The following RORA variants were observed in gnomAD, a reference collection of about 807,000 sequenced individuals.
RORA encodes the protein nuclear receptor ROR-alpha.
In RORA, 7 loss-of-function variants were observed where a neutral mutation model predicts 69.5. That is an observed-to-expected ratio of 0.10 (90% CI 0.06 to 0.19). The LOEUF is 0.19. Ranked by LOEUF, RORA falls within the 10% of genes least tolerant of loss-of-function variation. RORA has a pLI of 1.00. For synonymous variants in RORA, 261 were observed against 240.8 expected, an observed-to-expected ratio of 1.08 and a Z score of -0.78; for missense variants, 457 against 663.0, an observed-to-expected ratio of 0.69 and a Z score of 3.41.
chr15:60,646,063 T>C (rs1036959782), intron 2 of RORA, among the ~76,000 whole-genome samples: 1 of 152,138 alleles, frequency 6.6e-6, no homozygotes, highest in Admixed American at 6.5e-5. Context: ...TGACCTTCAT[T>C]TGGCATTGGA....
intron 1 of RORA, among the ~76,000 whole-genome samples, chr15:61,087,757 T>C (rs565737055): frequency 9.2e-5 from 14 of 152,374 alleles, no homozygotes; most frequent in Admixed American, 7.8e-4. Context: ...ACTGCCCATG[T>C]GCAGATGTTT....
chr15:60,832,957 T>G (rs908686146), intron 1 of RORA, among the ~76,000 whole-genome samples: 1 of 151,948 alleles, frequency 6.6e-6, no homozygotes, highest in Non-Finnish European at 1.5e-5. Context: ...CAGGCTGGAG[T>G]GCAGTGGCGT....
At chr15:60,847,055 A>C (rs1268024903) in intron 1 of RORA, among the ~76,000 whole-genome samples, 1 of 152,172 alleles carries the variant, frequency 6.6e-6, no homozygotes, top group Non-Finnish European at 1.5e-5. Context: ...TATAGCTTAA[A>C]AGTGCCTGGA....
chr15:60,890,974 C>T (rs955854736), intron 1 of RORA, among the ~76,000 whole-genome samples: 4 of 152,178 alleles, frequency 2.6e-5, no homozygotes, highest in African/African-American at 9.7e-5. Context: ...CTGTTCATGT[C>T]CAAATCACAA....
chr15:60,802,914 C>G (rs143746632), intron 1 of RORA, among the ~76,000 whole-genome samples: 2 of 151,858 alleles, frequency 1.3e-5, no homozygotes, highest in African/African-American at 2.4e-5. Context: ...GAAGGAAAAC[C>G]CTTACATGTC....
chr15:61,225,086 G>A (rs1472515340), intron 1 of RORA, among the ~76,000 whole-genome samples: 2 of 151,992 alleles, frequency 1.3e-5, no homozygotes, highest in Non-Finnish European at 2.9e-5. Flanking sequence ...AGAAATAAGG[G>A]GGAAGCAACA....
intron 1 of RORA, among the ~76,000 whole-genome samples, chr15:60,789,447 C>G (rs1265910024): frequency 2.0e-5 from 3 of 152,254 alleles, no homozygotes; most frequent in Non-Finnish European, 4.4e-5. Flanking sequence ...ACCACCTCTT[C>G]CAGGAAGACT....
At chr15:60,578,448 G>GT (rs2068092897) in intron 2 of RORA, among the ~76,000 whole-genome samples, 1 of 152,126 alleles carries the variant, frequency 6.6e-6, no homozygotes, top group South Asian at 2.1e-4. Flanking sequence ...ACTGTGAACT[G>GT]TTTTTCAGGA....
chr15:61,222,965 T>C (rs1419952519), intron 1 of RORA, among the ~76,000 whole-genome samples: 1 of 152,198 alleles, frequency 6.6e-6, no homozygotes, highest in African/African-American at 2.4e-5. Flanking sequence ...ACTTATGTTA[T>C]CATAATACAG....
At chr15:61,129,613 T>TA (rs1013984142) in intron 1 of RORA, among the ~76,000 whole-genome samples, 2 of 152,198 alleles carry the variant, frequency 1.3e-5, no homozygotes, top group African/African-American at 4.8e-5. Context: ...TAATTTGCAA[T>TA]AAAAAATGTG....
At chr15:61,196,729 A>G (rs1328091194) in intron 1 of RORA, among the ~76,000 whole-genome samples, 1 of 152,272 alleles carries the variant, frequency 6.6e-6, no homozygotes, top group Non-Finnish European at 1.5e-5. Flanking sequence ...TAATTAAGAT[A>G]TTTAAAAAGT....
intron 1 of RORA, among the ~76,000 whole-genome samples, chr15:60,904,874 G>A (rs2140472258): frequency 6.6e-6 from 1 of 152,230 alleles, no homozygotes; most frequent in East Asian, 1.9e-4. Context: ...GGTGGTCAAG[G>A]CCAATGTTGA....
chr15:60,755,614 G>C (rs2071790735), intron 1 of RORA, among the ~76,000 whole-genome samples: 1 of 152,068 alleles, frequency 6.6e-6, no homozygotes, highest in South Asian at 2.1e-4. Flanking sequence ...GTGTAAAAGT[G>C]TTCCTATTTC....
chr15:60,685,099 GACAA>G (rs1384929647), intron 1 of RORA, among the ~76,000 whole-genome samples: 9 of 152,160 alleles, frequency 5.9e-5, no homozygotes, highest in Admixed American at 3.3e-4. Context: ...CTTTATATTA[GACAA>G]ACAGAGAGAC....
At chr15:61,005,850 G>C (rs1270975985) in intron 1 of RORA, among the ~76,000 whole-genome samples, 1 of 152,202 alleles carries the variant, frequency 6.6e-6, no homozygotes, top group Non-Finnish European at 1.5e-5. Flanking sequence ...GCGTATGTCT[G>C]TGTATGTGTG....
rs1236939080 is a variant in RORA at position 60,725,360 on chromosome 15, T to C, written c.167-46674A>G. ...TGATATGCATCATGGTGCTCAATTG[T>C]TATTTAATTCCTGCTTTGTTAGTTC... On this transcript the variant is annotated intron_variant, in intron 1 of 10. Coordinates refer to ENST00000335670, the MANE Select transcript of RORA (RefSeq NM_134261.3). 3.3e-5 allele frequency among the ~76,000 whole-genome samples: 5 copies of C among 152,358 alleles called. No individual in the cohort carries two copies. In the East Asian group the frequency reaches 9.6e-4, roughly 29 times the overall value.
chr15:61,122,867 T>G (rs989198354), intron 1 of RORA, among the ~76,000 whole-genome samples: 1 of 152,154 alleles, frequency 6.6e-6, no homozygotes, highest in Non-Finnish European at 1.5e-5. Context: ...TGCCTGTGCA[T>G]TACTGAGTAA....
At chr15:60,564,556 T>C (rs2067662532) in intron 2 of RORA, among the ~76,000 whole-genome samples, 1 of 152,162 alleles carries the variant, frequency 6.6e-6, no homozygotes, top group Admixed American at 6.5e-5. Flanking sequence ...CAAAAGACTA[T>C]TTTCCTGTGT....
chr15:60,883,324 GACA>G (rs767318891), intron 1 of RORA, among the ~76,000 whole-genome samples: 4 of 152,096 alleles, frequency 2.6e-5, no homozygotes, highest in Non-Finnish European at 5.9e-5. Context: ...TTGGAAAACT[GACA>G]ACATGGATTC....
Sources: gnomAD v4.1 joint callset for allele counts (sites outside exome capture counted in the v4.1 genomes callset) on GRCh38, gnomAD v4.1.1 for gene constraint, MANE v1.5 for transcripts, NCBI Gene and HGNC (gene_info 2026-07-23, HGNC 2026-07-21) for gene names.